Variants in ST6GAL1 observed in about 807,000 individuals in gnomAD.
ST6GAL1 encodes beta-galactoside alpha-2,6-sialyltransferase 1.
ST6GAL1 carries 20 observed loss-of-function variants against 38.0 expected under a neutral mutation model. The observed-to-expected ratio is 0.53, with a 90% CI of 0.37 to 0.77. The LOEUF (loss-of-function observed/expected upper bound fraction) is 0.77, where lower values mean the gene tolerates loss of function less well. ST6GAL1 is among the 30% of genes least tolerant of loss of function. The pLI, the probability that ST6GAL1 is intolerant of heterozygous loss-of-function variation, is 0.00. For synonymous variants in ST6GAL1, 196 were observed against 188.2 expected (o/e 1.04, Z -0.34); for missense variants, 432 against 496.4 (o/e 0.87, Z 1.23).
chr3:187,005,937 C>T (rs1443774453), intron 2 of ST6GAL1, among the ~76,000 whole-genome samples: 1 of 152,026 alleles, frequency 6.6e-6, no homozygotes, highest in Non-Finnish European at 1.5e-5. Flanking sequence ...GAGACATAGG[C>T]ATCTTTGACA....
intron 2 of ST6GAL1, among the ~76,000 whole-genome samples, chr3:186,983,638 G>C (rs1715766087): frequency 6.6e-6 from 1 of 152,074 alleles, no homozygotes; most frequent in African/African-American, 2.4e-5. Context: ...GATTATAATG[G>C]TTATTATATA....
chr3:187,074,148 T>G lies in ST6GAL1; in HGVS notation c.805-11T>G, dbSNP rs762137929. The G allele has an allele frequency of 1.9e-6, 3 of 1,602,330 alleles. No homozygotes were observed. The highest frequency in any genetic ancestry group is 2.6e-6 in the Non-Finnish European group (3 of 1,174,564). On this transcript the variant is annotated splice_polypyrimidine_tract_variant and intron_variant, in intron 6 of 7. Transcript: ENST00000169298. ...TTTCTCCCTTGAGAGGACCACTTCT[T>G]TCTTTTTCAGTGGTACCAGAATCCG...
At chr3:187,007,564 C>G (rs973528037) in intron 2 of ST6GAL1, among the ~76,000 whole-genome samples, 1 of 152,134 alleles carries the variant, frequency 6.6e-6, no homozygotes, top group Non-Finnish European at 1.5e-5. Flanking sequence ...GTAAAACAAA[C>G]AAACAAACAA....
At chr3:186,938,802 C>T (rs934306994) in intron 1 of ST6GAL1, among the ~76,000 whole-genome samples, 5 of 152,166 alleles carry the variant, frequency 3.3e-5, no homozygotes, top group African/African-American at 7.2e-5. Flanking sequence ...ATGGCTGATC[C>T]GTAACCCCAT....
chr3:186,997,368 C>T (rs1716452093), intron 2 of ST6GAL1, among the ~76,000 whole-genome samples: 1 of 152,080 alleles, frequency 6.6e-6, no homozygotes, highest in African/African-American at 2.4e-5. Flanking sequence ...GGGCTGGAGC[C>T]CAGTCTTCTA....
chr3:187,005,269 C>CTTTTTTTTTTTT (rs58085172), intron 2 of ST6GAL1, among the ~76,000 whole-genome samples: 51 of 103,928 alleles, frequency 4.9e-4, no homozygotes, highest in East Asian at 8.6e-4. Flanking sequence ...TTTTCTTTTT[C>CTTTTTTTTTTTT]TTTTTTTTTT....
chr3:187,041,121 T>C (rs1718111529), intron 3 of ST6GAL1, among the ~76,000 whole-genome samples: 1 of 152,212 alleles, frequency 6.6e-6, no homozygotes, highest in Non-Finnish European at 1.5e-5. Context: ...GCTTATCTAG[T>C]TCAAATCCAA....
intron 1 of ST6GAL1, among the ~76,000 whole-genome samples, chr3:186,942,724 A>G (rs1714220957): frequency 6.6e-6 from 1 of 152,128 alleles, no homozygotes. Context: ...CTGATTAGGC[A>G]TGTTGTGTGT....
chr3:186,948,070 T>C (rs529859655), intron 1 of ST6GAL1, among the ~76,000 whole-genome samples: 1 of 152,316 alleles, frequency 6.6e-6, no homozygotes, highest in Admixed American at 6.5e-5. Context: ...TCTGGCTCTC[T>C]CCCTGCCTGG....
chr3:187,064,507 A>C (rs1394204802), intron 5 of ST6GAL1: 1 of 456,296 alleles, frequency 2.2e-6, no homozygotes, highest in Non-Finnish European at 4.4e-6. Flanking sequence ...TTTTTTTCCC[A>C]TTACACTTCT....
At chr3:186,951,821 T>C (rs574035235) in intron 1 of ST6GAL1, among the ~76,000 whole-genome samples, 1 of 152,304 alleles carries the variant, frequency 6.6e-6, no homozygotes, top group East Asian at 1.9e-4. Flanking sequence ...AAGAAATGTA[T>C]TGCTCATAGT....
In ST6GAL1 at chr3:187,075,723, C is replaced by T; in HGVS notation, c.1141C>T (p.His381Tyr). The change falls in exon 8 of 8, where the codon CAT (histidine) becomes TAT (tyrosine). Residue 381 changes from histidine to tyrosine, a missense_variant. Physicochemically the swap from His to Tyr is moderately conservative, Grantham distance 83. Transcript: ENST00000169298. This position sits in a 1 kb window ranked among gnomAD's most constrained non-coding sequence, Gnocchi z 4.1. Reference protein sequence around the residue: ...PLLYEKNLVKHLNQGTDEDIY... With the variant: ...PLLYEKNLVKYLNQGTDEDIY... ...GCTCTATGAGAAGAATTTGGTGAAG[C>T]ATCTCAACCAGGGCACAGATGAGGA... 6.2e-7 allele frequency: 1 copy of T among 1,614,240 alleles called. No homozygotes were observed. The highest frequency in any genetic ancestry group is 8.5e-7 in the Non-Finnish European group (1 of 1,180,042).
intron 5 of ST6GAL1, among the ~76,000 whole-genome samples, chr3:187,069,135 CTT>C (rs779256326): frequency 6.9e-6 from 1 of 144,942 alleles, no homozygotes; most frequent in Non-Finnish European, 1.5e-5. Flanking sequence ...TGAACTTCTT[CTT>C]TTTTTTTTTT....
intron 1 of ST6GAL1, among the ~76,000 whole-genome samples, chr3:186,957,364 G>A (rs932383698): frequency 1.3e-5 from 2 of 152,112 alleles, no homozygotes; most frequent in African/African-American, 4.8e-5. Context: ...GATCACTTGA[G>A]CCAAGGAGGT....
At chr3:187,058,153 G>A (rs188033634) in intron 5 of ST6GAL1, among the ~76,000 whole-genome samples, 79 of 152,344 alleles carry the variant, frequency 5.2e-4, no homozygotes, top group African/African-American at 1.9e-3. Context: ...AGTTGGAAAA[G>A]CGCAGTGTTT....
intron 2 of ST6GAL1, among the ~76,000 whole-genome samples, chr3:186,973,654 T>C (rs1715427090): frequency 6.6e-6 from 1 of 152,180 alleles, no homozygotes; most frequent in Non-Finnish European, 1.5e-5. Context: ...GTTTGTAGAT[T>C]GTTGTGAGGG....
At chr3:186,953,419 A>G (rs1354735594) in intron 1 of ST6GAL1, among the ~76,000 whole-genome samples, 2 of 151,906 alleles carry the variant, frequency 1.3e-5, no homozygotes, top group East Asian at 1.9e-4. Flanking sequence ...CATGTATCCT[A>G]TTGTTTTCGT....
chr3:186,951,148 C>T (rs370104975), intron 1 of ST6GAL1, among the ~76,000 whole-genome samples: 33 of 152,262 alleles, frequency 2.2e-4, no homozygotes, highest in African/African-American at 7.9e-4. Context: ...CGGTTCACTG[C>T]GTGCAGCCTC....
intron 2 of ST6GAL1, among the ~76,000 whole-genome samples, chr3:186,984,495 A>G (rs1273914189): frequency 6.6e-6 from 1 of 151,238 alleles, no homozygotes; most frequent in Non-Finnish European, 1.5e-5. Context: ...GTCTCCATGT[A>G]CCCTCTTCCT....
Sources: gnomAD v4.1 joint callset for allele counts (sites outside exome capture counted in the v4.1 genomes callset) on GRCh38, gnomAD v4.1.1 for gene constraint, Gnocchi (gnomAD v3.1) non-coding constraint, MANE v1.5 for transcripts, NCBI Gene and HGNC (gene_info 2026-07-23, HGNC 2026-07-21) for gene names.